Variants in CAMSAP2 observed in about 807,000 individuals in gnomAD.
CAMSAP2 encodes the protein calmodulin-regulated spectrin-associated protein 2.
A neutral mutation model predicts 146.1 loss-of-function variants in CAMSAP2; 26 were observed. The ratio of observed to expected loss-of-function variants is 0.18; its 90% CI spans 0.13 to 0.25. The LOEUF is 0.25. Ranked by LOEUF, CAMSAP2 falls within the 10% of genes least tolerant of loss-of-function variation. The pLI is 1.00. For synonymous variants in CAMSAP2, 499 were observed against 596.6 expected (o/e 0.84, Z 2.38); for missense variants, 1,381 against 1,759.3 (o/e 0.78, Z 3.85).
intron 6 of CAMSAP2, among the ~76,000 whole-genome samples, chr1:200,840,089 A>T (rs1048993502): frequency 1.3e-5 from 2 of 152,160 alleles, no homozygotes; most frequent in African/African-American, 4.8e-5. Context: ...ACTGTGCATT[A>T]TCTTCTGTAA....
intron 4 of CAMSAP2, among the ~76,000 whole-genome samples, chr1:200,823,489 C>A (rs1486793578): frequency 1.3e-5 from 2 of 152,108 alleles, no homozygotes; most frequent in Non-Finnish European, 2.9e-5. Flanking sequence ...CCACTGATGT[C>A]CTTTTTAAAT....
In CAMSAP2 at chr1:200,822,097, T is replaced by C. The variant is rs532014825; in HGVS notation, c.645+6453T>C. Among the ~76,000 whole-genome samples, 9 of 151,212 alleles carry C rather than the reference T, an allele frequency of 6.0e-5. No individual in the cohort carries two copies. In the South Asian group the frequency reaches 1.7e-3, roughly 28 times the overall value. ...TTCATCAGTTTTTCAAACTGAAAAT[T>C]TCCTTTATCATTCTGTCTCCCTCTC... On this transcript the variant is annotated intron_variant, in intron 4 of 16. Transcript: ENST00000358823.
Position 200,761,109 on chromosome 1 carries a change from A to G in CAMSAP2, c.399+11A>G. 1.2e-6 allele frequency: 2 copies of G among 1,612,068 alleles called. No individual in the cohort carries two copies. Among genetic ancestry groups the G allele is most frequent in the South Asian group, 1.1e-5 (1 of 90,994 alleles). On this transcript the variant is annotated intron_variant, in intron 2 of 16. Transcript: ENST00000358823. ...AAACCCATACAGATGGTGAGTCTTTATATACCCAAGATTATTTTAAGTTTG... is the reference window on the plus strand; with the variant it reads ...AAACCCATACAGATGGTGAGTCTTTGTATACCCAAGATTATTTTAAGTTTG...
intron 1 of CAMSAP2, among the ~76,000 whole-genome samples, chr1:200,750,596 T>TAG (rs1464052457): frequency 8.6e-5 from 13 of 151,206 alleles, no homozygotes; most frequent in African/African-American, 2.9e-4. Context: ...TGTGTGTGTG[T>TAG]AGAGAGAAAG....
chr1:200,816,608 A>G (rs1666497038), intron 4 of CAMSAP2, among the ~76,000 whole-genome samples: 1 of 86,926 alleles, frequency 1.2e-5, no homozygotes, highest in Non-Finnish European at 2.6e-5. Context: ...AAAAAAAAAT[A>G]TATATATATA....
chr1:200,834,718 G>A (rs1307406977), intron 6 of CAMSAP2, among the ~76,000 whole-genome samples: 2 of 152,070 alleles, frequency 1.3e-5, no homozygotes, highest in East Asian at 1.9e-4. Flanking sequence ...GTTTGAGACC[G>A]GCCTGGGCAA....
intron 3 of CAMSAP2, among the ~76,000 whole-genome samples, chr1:200,811,226 T>C (rs1439327888): frequency 6.6e-6 from 1 of 152,214 alleles, no homozygotes; most frequent in Non-Finnish European, 1.5e-5. Context: ...CAACAAACTC[T>C]GTCTCCCCTG....
chr1:200,767,194 G>T (rs1478949143), intron 2 of CAMSAP2, among the ~76,000 whole-genome samples: 1 of 151,986 alleles, frequency 6.6e-6, no homozygotes, highest in African/African-American at 2.4e-5. Flanking sequence ...AATTAGCTGG[G>T]CATGGTGGCG....
At chr1:200,752,220 G>T (rs1312794225) in intron 1 of CAMSAP2, among the ~76,000 whole-genome samples, 3 of 152,002 alleles carry the variant, frequency 2.0e-5, no homozygotes, top group African/African-American at 7.3e-5. Flanking sequence ...ATTTACAAAA[G>T]AATTATATTA....
At position 200,759,388 on chromosome 1, in the gene CAMSAP2, A is replaced by G. The variant is rs565960822; in HGVS notation, c.140-1451A>G. On this transcript the variant is annotated intron_variant, in intron 1 of 16. Coordinates refer to ENST00000358823, the MANE Select transcript of CAMSAP2 (RefSeq NM_203459.4). ...CTGCCTCCTAGGTTCAAGCAATTCT[A>G]CTGTCTCAACCTCCCAAGTAGCTGG... 1.3e-3 allele frequency among the ~76,000 whole-genome samples: 189 copies of G among 150,138 alleles called. 1 individual carries two copies. Among genetic ancestry groups the G allele is most frequent in the African/African-American group, 4.6e-3 (186 of 40,824 alleles).
At chr1:200,805,856 C>T (rs1666157235) in intron 2 of CAMSAP2, among the ~76,000 whole-genome samples, 1 of 152,140 alleles carries the variant, frequency 6.6e-6, no homozygotes, top group Admixed American at 6.6e-5. Flanking sequence ...AACTTTACCT[C>T]TTTTAAGGAG....
In CAMSAP2 at chr1:200,857,670, G is replaced by A. The variant is rs1189366444; in HGVS notation, c.4132-84G>A. ...ATGTTATAAAATGTGACTAAGAAAC[G>A]TAACATAATTATATAAACTTTATTC... On this transcript the variant is annotated intron_variant, in intron 16 of 16. Transcript: ENST00000358823. This position sits in a 1 kb window ranked among gnomAD's most constrained non-coding sequence, Gnocchi z 4.7. The A allele has an allele frequency of 1.4e-5, 17 of 1,189,686 alleles. No homozygotes were observed. The highest frequency in any genetic ancestry group is 1.2e-4 in the African/African-American group (8 of 64,826). The allele number at this position is 1,189,686 out of a possible 1,614,324, so 73.7% of individuals were successfully genotyped here. A position where few individuals can be genotyped will look rare whatever the true frequency, so the allele number is the denominator to read the frequency against.
chr1:200,788,577 C>T lies in CAMSAP2; in HGVS notation c.400-18799C>T, dbSNP rs188733906. The stretch of plus-strand genomic sequence containing the variant: ...GTGTTGTCAGTGTTGTGGATTTAGA[C>T]GTTCTAATAGGTTTTAATTTGCATT... On this transcript the variant is annotated intron_variant, in intron 2 of 16. Transcript: ENST00000358823. Among the ~76,000 whole-genome samples the T allele has an allele frequency of 3.2e-3, 479 of 151,868 alleles. 10 individuals are homozygous for T. Among genetic ancestry groups the T allele is most frequent in the Admixed American group, 0.028 (426 of 15,256 alleles).
At chr1:200,743,950 A>C (rs1664248669) in intron 1 of CAMSAP2, among the ~76,000 whole-genome samples, 2 of 121,000 alleles carry the variant, frequency 1.7e-5, no homozygotes, top group South Asian at 5.9e-4. Context: ...CAATAAATAA[A>C]TAAATAAATA....
At chr1:200,818,233 G>A (rs75239089) in intron 4 of CAMSAP2, among the ~76,000 whole-genome samples, 429 of 151,962 alleles carry the variant, frequency 2.8e-3, no homozygotes, top group African/African-American at 9.5e-3. Flanking sequence ...GATGACAGAG[G>A]GCCCAAGAAA....
intron 2 of CAMSAP2, among the ~76,000 whole-genome samples, chr1:200,804,127 C>T (rs995202985): frequency 1.2e-4 from 19 of 152,074 alleles, no homozygotes; most frequent in South Asian, 4.2e-4. Flanking sequence ...AGGGTTTCAC[C>T]GTGTTAGCCA....
rs943121963 is a variant in CAMSAP2, at chr1:200,859,091, T to C, written c.*1032T>C. ...AAATAGCTTCACATTATTTTACTTA[T>C]ATTGGGTTTTTCTTCATTTTAATCC... On this transcript the variant is annotated 3_prime_UTR_variant, in exon 17 of 17. Coordinates refer to ENST00000358823, the MANE Select transcript of CAMSAP2 (RefSeq NM_203459.4). The C allele has an allele frequency of 2.0e-5, 3 of 152,576 alleles. No homozygotes were observed. The highest frequency in any genetic ancestry group is 4.4e-5 in the Non-Finnish European group (3 of 67,900). The allele number at this position is 152,576 out of a possible 1,614,324, so 9.5% of individuals were successfully genotyped here. A position where few individuals can be genotyped will look rare whatever the true frequency, so the allele number is the denominator to read the frequency against.
intron 3 of CAMSAP2, among the ~76,000 whole-genome samples, chr1:200,813,891 G>A (rs1222010599): frequency 1.3e-5 from 2 of 151,772 alleles, no homozygotes; most frequent in Non-Finnish European, 2.9e-5. Context: ...TTGAGTCCAG[G>A]AGTTTAAGAC....
intron 2 of CAMSAP2, among the ~76,000 whole-genome samples, chr1:200,783,843 C>A (rs2103024555): frequency 6.6e-6 from 1 of 152,140 alleles, no homozygotes; most frequent in South Asian, 2.1e-4. Flanking sequence ...TGATGAAGAC[C>A]AGTTTACAAT....
Sources: gnomAD v4.1 joint callset for allele counts (sites outside exome capture counted in the v4.1 genomes callset) on GRCh38, gnomAD v4.1.1 for gene constraint, Gnocchi (gnomAD v3.1) non-coding constraint, MANE v1.5 for transcripts, NCBI Gene and HGNC (gene_info 2026-07-23, HGNC 2026-07-21) for gene names.